The following WARS2 variants were observed in gnomAD, a reference collection of about 807,000 sequenced individuals.
The protein encoded by WARS2 is tryptophanyl tRNA synthetase 2, mitochondrial, also known as tryptophan--tRNA ligase, mitochondrial.
Under a neutral mutation model 36.5 loss-of-function variants are expected in WARS2, and 28 were observed. The ratio of observed to expected loss-of-function variants is 0.77; its 90% CI spans 0.57 to 1.05. WARS2 has a LOEUF of 1.05. WARS2 is among the 50% of genes least tolerant of loss of function. The pLI is 0.00. For synonymous variants in WARS2, 174 were observed against 178.4 expected (o/e 0.98, Z 0.20); for missense variants, 435 against 456.8 (o/e 0.95, Z 0.44).
rs997380890 is a variant in WARS2 at position 119,087,262 on chromosome 1, G to A, written c.91-10655C>T. ...TCCTTCTTTATATACCCAGTAAATA[G>A]CACAGTGCCAGGTATGTTGTGGTCC... On this transcript the variant is annotated intron_variant, in intron 1 of 5. Transcript: ENST00000235521. 4.6e-5 allele frequency among the ~76,000 whole-genome samples: 7 copies of A among 152,086 alleles called. 1 individual carries two copies. The highest frequency in any genetic ancestry group is 1.7e-4 in the African/African-American group (7 of 41,406).
chr1:119,102,136 C>T (rs1186315299), intron 1 of WARS2, among the ~76,000 whole-genome samples: 2 of 152,148 alleles, frequency 1.3e-5, no homozygotes, highest in African/African-American at 4.8e-5. Context: ...ATTCATCCAT[C>T]CATTTACATT....
At chr1:119,100,623 T>C (rs751771406) in intron 1 of WARS2, among the ~76,000 whole-genome samples, 2 of 152,070 alleles carry the variant, frequency 1.3e-5, no homozygotes, top group Non-Finnish European at 2.9e-5. Context: ...GAAAATAAAA[T>C]AAAATCCTTT....
At chr1:119,056,536 AATAT>A (rs111315245) in intron 2 of WARS2, among the ~76,000 whole-genome samples, 4 of 147,014 alleles carry the variant, frequency 2.7e-5, no homozygotes, top group South Asian at 2.1e-4. Context: ...CTAAATATAT[AATAT>A]ATATATATAC....
At chr1:119,050,416 T>C (rs2101150882) in intron 2 of WARS2, among the ~76,000 whole-genome samples, 1 of 152,348 alleles carries the variant, frequency 6.6e-6, no homozygotes, top group Non-Finnish European at 1.5e-5. Flanking sequence ...TTGGCTTATT[T>C]ATTTATTATT....
At chr1:119,119,316 GACAA>G (rs761841875) in intron 1 of WARS2, among the ~76,000 whole-genome samples, 16 of 151,930 alleles carry the variant, frequency 1.1e-4, no homozygotes, top group Non-Finnish European at 2.1e-4. Context: ...AGTTAAAAAA[GACAA>G]ACAGAGACAT....
At chr1:119,078,291 A>G (rs1651896129) in intron 1 of WARS2, among the ~76,000 whole-genome samples, 1 of 152,238 alleles carries the variant, frequency 6.6e-6, no homozygotes, top group Admixed American at 6.5e-5. Context: ...TTACAGGGAC[A>G]AAAAAGACCA....
intron 4 of WARS2, among the ~76,000 whole-genome samples, chr1:119,039,470 G>A (rs1407291530): frequency 6.6e-6 from 1 of 152,060 alleles, no homozygotes; most frequent in Non-Finnish European, 1.5e-5. Context: ...CACAGAGAGA[G>A]AAAGGGGAGA....
chr1:119,037,393 T>C (rs1300702638), intron 4 of WARS2, among the ~76,000 whole-genome samples: 2 of 152,192 alleles, frequency 1.3e-5, no homozygotes, highest in African/African-American at 2.4e-5. Flanking sequence ...CACAGAGATT[T>C]GTTCTCTTAT....
At chr1:119,090,417 A>G (rs1652961937) in intron 1 of WARS2, among the ~76,000 whole-genome samples, 1 of 152,218 alleles carries the variant, frequency 6.6e-6, no homozygotes, top group Non-Finnish European at 1.5e-5. Context: ...AAGGTTCTAT[A>G]TAGACATTTG....
chr1:119,034,045 C>A, intron 5 of WARS2, 50 bp downstream of exon 5: 4 of 1,527,942 alleles, frequency 2.6e-6, no homozygotes, highest in Non-Finnish European at 3.6e-6. Context: ...ATTGTCCAAT[C>A]CTCTCTTTAG....
At chr1:119,044,360 C>T (rs1648618249) in intron 3 of WARS2, among the ~76,000 whole-genome samples, 1 of 152,128 alleles carries the variant, frequency 6.6e-6, no homozygotes. Flanking sequence ...GTATTCAGTT[C>T]CTATAAAAAG....
chr1:119,106,530 C>T (rs1654254155), intron 1 of WARS2, among the ~76,000 whole-genome samples: 2 of 152,122 alleles, frequency 1.3e-5, no homozygotes, highest in Non-Finnish European at 2.9e-5. Flanking sequence ...ATAATTTTGC[C>T]TTTTCTAGAA....
chr1:119,043,323 T>C (rs550663583), intron 3 of WARS2, among the ~76,000 whole-genome samples: 2 of 152,204 alleles, frequency 1.3e-5, no homozygotes, highest in Non-Finnish European at 2.9e-5. Context: ...TATTTCCAAA[T>C]GAACTGGGCA....
At chr1:119,066,465 G>A (rs1186119719) in intron 2 of WARS2, among the ~76,000 whole-genome samples, 1 of 126,672 alleles carries the variant, frequency 7.9e-6, no homozygotes, top group Non-Finnish European at 1.6e-5. Context: ...GTGACAGAGA[G>A]AGGCTCTGTC....
At chr1:119,072,020 A>G (rs587702183) in intron 2 of WARS2, among the ~76,000 whole-genome samples, 1 of 152,342 alleles carries the variant, frequency 6.6e-6, no homozygotes, top group East Asian at 1.9e-4. Context: ...ATTACAAAAC[A>G]TAAGTCATCA....
chr1:119,108,830 T>C (rs944434561), intron 1 of WARS2, among the ~76,000 whole-genome samples: 5 of 151,996 alleles, frequency 3.3e-5, no homozygotes, highest in African/African-American at 7.2e-5. Context: ...TAGATCTTTT[T>C]CTTTTCAAAT....
intron 1 of WARS2, among the ~76,000 whole-genome samples, chr1:119,098,506 C>T (rs896309694): frequency 2.0e-5 from 3 of 152,008 alleles, no homozygotes; most frequent in Non-Finnish European, 2.9e-5. Context: ...GGCACGATCT[C>T]GGCTCACTGC....
rs74352490 is a variant in WARS2, at chr1:119,034,869, C to T, written c.516-656G>A. Among the ~76,000 whole-genome samples, 1,194 of 152,004 alleles carry T rather than the reference C, an allele frequency of 7.9e-3. 12 individuals carry two copies. The highest frequency in any genetic ancestry group is 0.027 in the African/African-American group (1,127 of 41,410). On this transcript the variant is annotated intron_variant, in intron 4 of 5. Coordinates refer to ENST00000235521, the MANE Select transcript of WARS2 (RefSeq NM_015836.4). The stretch of plus-strand genomic sequence containing the variant: ...AAAACATGAAATACACTGACATTTA[C>T]GTAAATTTTACAAGTGCCTATGGAA...
At chr1:119,099,321 TG>T (rs1220394250) in intron 1 of WARS2, among the ~76,000 whole-genome samples, 2 of 152,198 alleles carry the variant, frequency 1.3e-5, no homozygotes, top group Non-Finnish European at 2.9e-5. Context: ...GAAAACTGCA[TG>T]GAAATGTGTT....
Sources: allele counts gnomAD v4.1 joint callset (sites outside exome capture counted in the v4.1 genomes callset), GRCh38; gene constraint gnomAD v4.1.1; transcripts MANE v1.5; gene names NCBI Gene and HGNC (gene_info 2026-07-23, HGNC 2026-07-21).